ARID4B: variants seen among roughly 807,000 people sequenced by gnomAD.
The protein encoded by ARID4B is AT-rich interactive domain-containing protein 4B.
ARID4B carries 26 observed loss-of-function variants against 147.5 expected under a neutral mutation model. That is an observed-to-expected ratio of 0.18 (90% CI 0.13 to 0.24). The LOEUF (loss-of-function observed/expected upper bound fraction) is 0.24. Ranked by LOEUF, ARID4B falls within the 10% of genes least tolerant of loss-of-function variation. The pLI is 1.00. For missense variants in ARID4B, 1,179 were observed against 1,511.5 expected, an observed-to-expected ratio of 0.78 and a Z score of 3.65; for synonymous variants, 512 against 507.9, an observed-to-expected ratio of 1.01 and a Z score of -0.11.
chr1:235,189,872 C>T (rs1248316780), intron 19 of ARID4B, among the ~76,000 whole-genome samples: 1 of 151,978 alleles, frequency 6.6e-6, no homozygotes, highest in East Asian at 1.9e-4. Context: ...AACACCTCAT[C>T]TCAAAAATAG....
chr1:235,222,809 T>C (rs761069420), intron 13 of ARID4B, among the ~76,000 whole-genome samples: 3 of 151,548 alleles, frequency 2.0e-5, no homozygotes, highest in African/African-American at 7.3e-5. Flanking sequence ...CAGCCTGCCA[T>C]GTAGCTGGGA....
intron 13 of ARID4B, among the ~76,000 whole-genome samples, chr1:235,222,703 A>T (rs1667552696): frequency 6.9e-6 from 1 of 144,532 alleles, no homozygotes; most frequent in African/African-American, 2.6e-5. Flanking sequence ...TTTGAGACAG[A>T]GTCTCATTCT....
At chr1:235,249,649 T>G (rs1189457132) in intron 6 of ARID4B, among the ~76,000 whole-genome samples, 1 of 151,010 alleles carries the variant, frequency 6.6e-6, no homozygotes, top group Admixed American at 6.6e-5. Context: ...ATTTAAAAAT[T>G]AGCTGGGCGT....
chr1:235,264,415 G>T lies in ARID4B; in HGVS notation c.7-3663C>A, dbSNP rs189063037. Among the ~76,000 whole-genome samples, 107 of 152,240 alleles carry T rather than the reference G, an allele frequency of 7.0e-4. 2 individuals carry two copies. The highest frequency in any genetic ancestry group is 6.3e-3 in the Admixed American group (97 of 15,296). On this transcript the variant is annotated intron_variant, in intron 2 of 23. Transcript: ENST00000264183. The stretch of plus-strand genomic sequence containing the variant: ...CAGATTTGAGTATGTAATTTTAGCT[G>T]GGCATAAGGTATCACTCTATCATTA...
At chr1:235,177,103 C>G (rs1394692575) in intron 21 of ARID4B, among the ~76,000 whole-genome samples, 1 of 152,124 alleles carries the variant, frequency 6.6e-6, no homozygotes, top group Non-Finnish European at 1.5e-5. Flanking sequence ...GTACCAAAGA[C>G]AAATGTTGTA....
Position 235,234,416 on chromosome 1 carries a change from T to C in ARID4B, c.662A>G (p.Lys221Arg). ...AAACCAAGTAAATTATACTTACAAT[T>C]TTCCATCTTTGAAAGATCGAACAAG... ...NILVRSFKDG[K>R]FTSVPRKDVH... Residue 221 changes from lysine to arginine, a missense_variant, in exon 9 of 24, where the codon AAA becomes AGA. Lys to Arg is a conservative substitution (Grantham distance 26, BLOSUM62 2). Coordinates refer to ENST00000264183, the MANE Select transcript of ARID4B (RefSeq NM_016374.6). 1 of 1,591,078 alleles carries C rather than the reference T, an allele frequency of 6.3e-7. No individual in the cohort carries two copies. The highest frequency in any genetic ancestry group is 1.3e-5 in the African/African-American group (1 of 74,644).
chr1:235,277,298 G>A (rs560621357), intron 2 of ARID4B, among the ~76,000 whole-genome samples: 5 of 152,134 alleles, frequency 3.3e-5, no homozygotes, highest in African/African-American at 1.2e-4. Flanking sequence ...CCAGCACTAT[G>A]GGAGGCTGAG....
chr1:235,240,204 T>G (rs1668893984), intron 8 of ARID4B, 109 bp downstream of exon 8: 3 of 1,035,250 alleles, frequency 2.9e-6, no homozygotes, highest in Non-Finnish European at 4.2e-6. Flanking sequence ...TAAATAATGC[T>G]AAAAACATTT....
intron 19 of ARID4B, among the ~76,000 whole-genome samples, chr1:235,185,296 CCTTT>C (rs1218373373): frequency 2.0e-5 from 3 of 152,206 alleles, no homozygotes; most frequent in East Asian, 3.8e-4. Context: ...TGATAAACTT[CCTTT>C]CTTATACAGC....
intron 6 of ARID4B, among the ~76,000 whole-genome samples, chr1:235,249,363 T>TGATG (rs1415034729): frequency 1.3e-5 from 2 of 152,018 alleles, no homozygotes; most frequent in African/African-American, 4.8e-5. Context: ...AAATATCAGA[T>TGATG]GATGAATCTA....
chr1:235,195,536 G>A (rs1196831635), intron 18 of ARID4B, among the ~76,000 whole-genome samples: 7 of 151,368 alleles, frequency 4.6e-5, no homozygotes, highest in Non-Finnish European at 8.8e-5. Flanking sequence ...AGGTTGCAGT[G>A]AGCCGAGGTT....
intron 10 of ARID4B, among the ~76,000 whole-genome samples, chr1:235,230,618 C>CAAAAAAAAAAAAA (rs1668154034): frequency 8.7e-5 from 4 of 45,864 alleles, no homozygotes; most frequent in African/African-American, 1.8e-4. Context: ...AAAAAAAAAC[C>CAAAAAAAAAAAAA]AGAAAAAAAA....
chr1:235,241,010 T>A (rs192021604), intron 7 of ARID4B, among the ~76,000 whole-genome samples: 1 of 152,294 alleles, frequency 6.6e-6, no homozygotes. Context: ...CTAAAAACTT[T>A]CAAAATTAAA....
At chr1:235,232,375 G>C (rs920932323) in intron 9 of ARID4B, among the ~76,000 whole-genome samples, 2 of 151,874 alleles carry the variant, frequency 1.3e-5, no homozygotes, top group African/African-American at 4.8e-5. Context: ...AGCTGAGATT[G>C]CGCCATTGCA....
chr1:235,178,909 ATTTTTAATATTTCTTT>A (rs1288451942), intron 20 of ARID4B, among the ~76,000 whole-genome samples: 1 of 152,012 alleles, frequency 6.6e-6, no homozygotes, highest in Non-Finnish European at 1.5e-5. Context: ...ACCTTTTTAA[ATTTTTAATATTTCTTT>A]TTTATTTTTT....
At chr1:235,299,743 G>C (rs1377941861) in intron 2 of ARID4B, among the ~76,000 whole-genome samples, 1 of 152,148 alleles carries the variant, frequency 6.6e-6, no homozygotes, top group Non-Finnish European at 1.5e-5. Context: ...CCAAGTTAGG[G>C]GGTTGGTCTA....
intron 2 of ARID4B, among the ~76,000 whole-genome samples, chr1:235,271,506 T>G (rs754335939): frequency 5.3e-5 from 8 of 151,764 alleles, no homozygotes; most frequent in Non-Finnish European, 1.0e-4. Flanking sequence ...GGTAGGCACC[T>G]GTAATCCCAG....
intron 2 of ARID4B, among the ~76,000 whole-genome samples, chr1:235,279,519 A>T (rs1251945400): frequency 2.0e-5 from 3 of 152,264 alleles, no homozygotes. Flanking sequence ...ACTCTAGCAA[A>T]GAAATCAGCA....
Position 235,168,542 on chromosome 1 carries a change from A to T in ARID4B, c.3922T>A (p.Ser1308Thr). The change falls in exon 24 of 24, where the codon TCA becomes ACA. Residue 1308 changes from serine to threonine, a missense_variant. Around this residue, in one of 10 missense-constraint regions of ARID4B, gnomAD observed 357 missense variants for 427.3 expected, o/e 0.84. Transcript: ENST00000264183. The stretch of plus-strand genomic sequence containing the variant: ...TCCTGCTGTCACCTGCACTCAACTG[A>T]CATTCCATTTTGTGATGCGCTGGAC... ...SMSSASQNGM[S>T]VECR 2 of 1,614,078 alleles carry T rather than the reference A, an allele frequency of 1.2e-6. No individual in the cohort carries two copies. Among genetic ancestry groups the T allele is most frequent in the Non-Finnish European group, 1.7e-6 (2 of 1,179,974 alleles).
Sources: allele counts gnomAD v4.1 joint callset (sites outside exome capture counted in the v4.1 genomes callset), GRCh38; gene constraint gnomAD v4.1.1; regional missense constraint gnomAD v4.1.1; transcripts MANE v1.5; gene names NCBI Gene and HGNC (gene_info 2026-07-23, HGNC 2026-07-21).